The following ZNF367 variants were observed in gnomAD, a reference collection of about 807,000 sequenced individuals.
ZNF367 encodes C2H2 zinc finger protein ZFF29.
ZNF367 carries 11 observed loss-of-function variants against 31.8 expected under a neutral mutation model. The observed-to-expected ratio is 0.35, with a 90% CI of 0.22 to 0.57. The LOEUF is 0.57. ZNF367 is among the 20% of genes least tolerant of loss of function. The pLI is 0.85. For synonymous variants in ZNF367, 199 were observed against 202.4 expected (o/e 0.98, Z 0.14); for missense variants, 353 against 484.1 (o/e 0.73, Z 2.54).
chr9:96,394,988 G>A, intron 2 of ZNF367, 46 bp from the exon 3 acceptor site: 1 of 1,606,816 alleles, frequency 6.2e-7, no homozygotes. Context: ...AATAAGGCCA[G>A]AAGAGGAGGG....
At chr9:96,415,479 ATTTTTTTTTTTTTTTTTTTTTTTTTT>A (rs56349404) in intron 1 of ZNF367, among the ~76,000 whole-genome samples, 1 of 37,784 alleles carries the variant, frequency 2.6e-5, no homozygotes, top group Middle Eastern at 0.019. Flanking sequence ...TAGTTTCTTC[ATTTTTTTTTTTTTTTTTTTTTTTTTT>A]TTTTTTTTTT....
In ZNF367 at chr9:96,386,690, A is replaced by G. The variant is rs1227017530; in HGVS notation, c.*1547T>C. The stretch of plus-strand genomic sequence containing the variant: ...CATACACATTATTCGTAACTATCGT[A>G]TCTTCTTTCATACTTTTTCTCCTCT... On this transcript the variant is annotated 3_prime_UTR_variant, in exon 5 of 5. Transcript: ENST00000375256. The G allele has an allele frequency of 6.6e-6, 1 of 152,170 alleles. No individual in the cohort carries two copies. The highest frequency in any genetic ancestry group is 1.5e-5 in the Non-Finnish European group (1 of 68,014). The allele number at this position is 152,170 out of a possible 1,614,324, so 9.4% of individuals were successfully genotyped here.
At chr9:96,414,207 T>A (rs1831788459) in intron 1 of ZNF367, among the ~76,000 whole-genome samples, 1 of 152,226 alleles carries the variant, frequency 6.6e-6, no homozygotes, top group Non-Finnish European at 1.5e-5. Flanking sequence ...TAAATAAAGG[T>A]GTATTCCAGA....
intron 4 of ZNF367, among the ~76,000 whole-genome samples, chr9:96,390,006 G>A (rs779631041): frequency 2.6e-4 from 38 of 145,770 alleles, no homozygotes; most frequent in Non-Finnish European, 4.6e-4. Context: ...TTGATCTCCC[G>A]ACCTCAGGTG....
In ZNF367 at chr9:96,417,975, CGGGCGG is replaced by C; in HGVS notation, c.52_57del (p.Pro18_Pro19del). The C allele has an allele frequency of 1.4e-6, 2 of 1,447,844 alleles. No individual in the cohort carries two copies. Among genetic ancestry groups the C allele is most frequent in the Non-Finnish European group, 1.8e-6 (2 of 1,106,160 alleles). The allele number at this position is 1,447,844 out of a possible 1,614,324, so 89.7% of individuals were successfully genotyped here. On this transcript the variant is annotated inframe_deletion, in exon 1 of 5. Transcript: ENST00000375256. This position sits in a 1 kb window ranked among gnomAD's most constrained non-coding sequence, Gnocchi z 5.0. The stretch of plus-strand genomic sequence containing the variant: ...TTCGGGGAGTCGTGGCAGAAGATGA[CGGGCGG>C]CGGCGGCGGCGGCGGGTTCTCCGCC...
chr9:96,392,339 G>A, intron 4 of ZNF367, 59 bp downstream of exon 4: 1 of 1,612,010 alleles, frequency 6.2e-7, no homozygotes, highest in Middle Eastern at 1.6e-4. Flanking sequence ...CCAGGTCCCT[G>A]ACATAGCCCC....
chr9:96,412,495 A>G (rs1422215816), intron 1 of ZNF367, among the ~76,000 whole-genome samples: 3 of 152,160 alleles, frequency 2.0e-5, no homozygotes, highest in Non-Finnish European at 4.4e-5. Flanking sequence ...GAACCTTTTC[A>G]CATTCAGATT....
intron 1 of ZNF367, among the ~76,000 whole-genome samples, chr9:96,400,525 G>T (rs1360914697): frequency 6.6e-6 from 1 of 151,672 alleles, no homozygotes; most frequent in Non-Finnish European, 1.5e-5. Context: ...ATATCCTGGA[G>T]CTGAAACATA....
In ZNF367 at chr9:96,407,147, C is replaced by T. The variant is rs563566460; in HGVS notation, c.421-8833G>A. 2.2e-5 allele frequency: 13 copies of T among 602,522 alleles called. No individual in the cohort carries two copies. In the South Asian group the frequency reaches 2.8e-4, roughly 13 times the overall value. The allele number at this position is 602,522 out of a possible 1,614,324, so 37.3% of individuals were successfully genotyped here. ...CCAACCTGGGCAACATAGCAAGACC[C>T]CATCTCTATTATTAAATAAATAAAT... On this transcript the variant is annotated intron_variant, in intron 1 of 4. Transcript: ENST00000375256.
At position 96,387,877 on chromosome 9, in the gene ZNF367, GC is replaced by G. The variant is rs879252729; in HGVS notation, c.*359del. On this transcript the variant is annotated 3_prime_UTR_variant, in exon 5 of 5. Transcript: ENST00000375256. ...AAATAATCTGTTTTAATCTTCTTTG[GC>G]TATTTGTACCATTCTGTTTTTCAAA... 1 of 205,468 alleles carries G rather than the reference GC, an allele frequency of 4.9e-6. No individual in the cohort carries two copies. The allele number at this position is 205,468 out of a possible 1,614,324, so 12.7% of individuals were successfully genotyped here.
At position 96,387,359 on chromosome 9, in the gene ZNF367, C is replaced by T. The variant is rs1004360546; in HGVS notation, c.*878G>A. ...ACAAAAGATCTAAAACATTTCACTA[C>T]AAAACAACCCTGCAGGTGTCCCTTT... On this transcript the variant is annotated 3_prime_UTR_variant, in exon 5 of 5. Coordinates refer to ENST00000375256, the MANE Select transcript of ZNF367 (RefSeq NM_153695.4). 1 of 152,200 alleles carries T rather than the reference C, an allele frequency of 6.6e-6. No individual in the cohort carries two copies. The highest frequency in any genetic ancestry group is 2.4e-5 in the African/African-American group (1 of 41,456). 9.4% of individuals were successfully genotyped at this position (152,200 alleles called of 1,614,324 possible).
intron 1 of ZNF367, among the ~76,000 whole-genome samples, chr9:96,406,670 A>G (rs1831674450): frequency 6.6e-6 from 1 of 152,148 alleles, no homozygotes; most frequent in African/African-American, 2.4e-5. Context: ...ATGTTGGTAA[A>G]TTCTCATTAG....
rs564552960 is a variant in ZNF367, at chr9:96,408,551, C to T, written c.420+9062G>A. ...AAAAGGCAAATACTGCATAATTTTA[C>T]CTATATGAGGTATCTGAGGTCATCA... On this transcript the variant is annotated intron_variant, in intron 1 of 4. Transcript: ENST00000375256. Among the ~76,000 whole-genome samples, 9 of 152,188 alleles carry T rather than the reference C, an allele frequency of 5.9e-5. 1 individual carries two copies. In the South Asian group the frequency reaches 1.9e-3, roughly 32 times the overall value.
chr9:96,411,820 G>T (rs1198833335), intron 1 of ZNF367, among the ~76,000 whole-genome samples: 2 of 151,934 alleles, frequency 1.3e-5, no homozygotes, highest in African/African-American at 4.8e-5. Flanking sequence ...ATTCTTTTGG[G>T]TTTTTTTGTT....
chr9:96,393,319 T>C (rs182996500), intron 3 of ZNF367, among the ~76,000 whole-genome samples: 162 of 151,468 alleles, frequency 1.1e-3, no homozygotes, highest in African/African-American at 3.7e-3. Flanking sequence ...AGGTCAGCAG[T>C]TCAAAACCAG....
At chr9:96,409,643 C>T (rs1831716161) in intron 1 of ZNF367, among the ~76,000 whole-genome samples, 1 of 152,190 alleles carries the variant, frequency 6.6e-6, no homozygotes, top group African/African-American at 2.4e-5. Context: ...TATTAAAGTA[C>T]AAATTAACAA....
chr9:96,407,311 C>T (rs1831683160), intron 1 of ZNF367: 2 of 1,563,714 alleles, frequency 1.3e-6, no homozygotes, highest in African/African-American at 1.4e-5. Flanking sequence ...TATTGAATTA[C>T]ACCGTAAACG....
At chr9:96,399,770 A>G (rs1312502722) in intron 1 of ZNF367, among the ~76,000 whole-genome samples, 1 of 152,214 alleles carries the variant, frequency 6.6e-6, no homozygotes, top group Non-Finnish European at 1.5e-5. Flanking sequence ...GTGAGCTGAG[A>G]TCGCGCCACT....
intron 2 of ZNF367, among the ~76,000 whole-genome samples, chr9:96,397,294 C>T (rs971869730): frequency 6.6e-6 from 1 of 150,520 alleles, no homozygotes; most frequent in Non-Finnish European, 1.5e-5. Context: ...AACTTTATAG[C>T]GAGAACAAGG....
Sources: gnomAD v4.1 joint callset for allele counts (sites outside exome capture counted in the v4.1 genomes callset) on GRCh38, gnomAD v4.1.1 for gene constraint, Gnocchi (gnomAD v3.1) non-coding constraint, MANE v1.5 for transcripts, NCBI Gene and HGNC (gene_info 2026-07-23, HGNC 2026-07-21) for gene names.